CHD9: variants seen among roughly 807,000 people sequenced by gnomAD.
The protein encoded by CHD9 is ATP-dependent chromatin remodeler CHD9.
In CHD9, 77 loss-of-function variants were observed where a neutral mutation model predicts 316.1. The ratio of observed to expected loss-of-function variants is 0.24; its 90% CI spans 0.20 to 0.29. The LOEUF (loss-of-function observed/expected upper bound fraction) is 0.29, where lower values mean the gene tolerates loss of function less well. CHD9 is among the 10% of genes least tolerant of loss of function. The pLI is 1.00. For missense variants in CHD9, 2,763 were observed against 3,438.1 expected (o/e 0.80, Z 4.91); for synonymous variants, 1,129 against 1,158.3 (o/e 0.97, Z 0.51).
intron 1 of CHD9, among the ~76,000 whole-genome samples, chr16:53,140,584 A>G (rs914690304): frequency 6.6e-6 from 1 of 152,178 alleles, no homozygotes; most frequent in Non-Finnish European, 1.5e-5. Flanking sequence ...TATCATGATT[A>G]GAGATGAGAT....
At chr16:53,141,156 G>C (rs568998423) in intron 1 of CHD9, among the ~76,000 whole-genome samples, 1 of 152,138 alleles carries the variant, frequency 6.6e-6, no homozygotes, top group Non-Finnish European at 1.5e-5. Flanking sequence ...TTTACACAGT[G>C]CTTTATGTGT....
chr16:53,194,482 G>A (rs1350453017), intron 2 of CHD9, among the ~76,000 whole-genome samples: 1 of 152,184 alleles, frequency 6.6e-6, no homozygotes, highest in Non-Finnish European at 1.5e-5. Flanking sequence ...GCTGAGACAG[G>A]AGGATCACTT....
intron 1 of CHD9, among the ~76,000 whole-genome samples, chr16:53,110,136 C>T (rs929585558): frequency 2.0e-5 from 3 of 152,172 alleles, no homozygotes; most frequent in African/African-American, 7.2e-5. Flanking sequence ...AGCTTGTGCC[C>T]ATTACTGTCT....
chr16:53,073,365 G>A (rs2034267753), intron 1 of CHD9, among the ~76,000 whole-genome samples: 1 of 152,202 alleles, frequency 6.6e-6, no homozygotes, highest in African/African-American at 2.4e-5. Flanking sequence ...ATGTACCACA[G>A]TCTTATCCAT....
intron 2 of CHD9, among the ~76,000 whole-genome samples, chr16:53,176,986 C>T (rs983280782): frequency 6.6e-6 from 1 of 152,114 alleles, no homozygotes; most frequent in African/African-American, 2.4e-5. Flanking sequence ...GACAGAGTCT[C>T]ACTTTGTCGC....
Position 53,307,896 on chromosome 16 carries a change from G to C in CHD9, c.6996G>C (p.Gln2332His). 2 of 1,613,644 alleles carry C rather than the reference G, an allele frequency of 1.2e-6. No homozygotes were observed. The highest frequency in any genetic ancestry group is 8.5e-7 in the Non-Finnish European group (1 of 1,179,774). ...GVKEEHDQST[Q>H]MSKVKKHVRE... ...AAGAAGAACATGATCAGTCAACACAGATGTCAAAGGTGAAGAAGCATGTAC... is the reference window on the plus strand; with the variant it reads ...AAGAAGAACATGATCAGTCAACACACATGTCAAAGGTGAAGAAGCATGTAC... The change falls in exon 33 of 39, where the codon CAG (glutamine) becomes CAC (histidine). Residue 2332 changes from glutamine (Q) to histidine (H), a missense_variant. Transcript: ENST00000447540.
intron 1 of CHD9, among the ~76,000 whole-genome samples, chr16:53,153,757 G>A (rs901529074): frequency 2.0e-5 from 3 of 151,802 alleles, no homozygotes; most frequent in Non-Finnish European, 4.4e-5. Context: ...GGCTGGTCTC[G>A]AACTCCTGGG....
At chr16:53,226,900 G>A (rs1212278020) in intron 5 of CHD9, among the ~76,000 whole-genome samples, 1 of 152,052 alleles carries the variant, frequency 6.6e-6, no homozygotes, top group East Asian at 1.9e-4. Context: ...TGGATTTTCT[G>A]GCGTCATCTT....
intron 22 of CHD9, among the ~76,000 whole-genome samples, chr16:53,271,273 G>A (rs2052231853): frequency 6.6e-6 from 1 of 152,006 alleles, no homozygotes. Context: ...GAAAGAGAGA[G>A]ACAAAAAACC....
intron 2 of CHD9, among the ~76,000 whole-genome samples, chr16:53,181,041 G>C (rs140569309): frequency 2.8e-5 from 4 of 145,114 alleles, no homozygotes; most frequent in East Asian, 2.0e-4. Context: ...ACAGAGTTTC[G>C]CTGTTGTTGC....
intron 1 of CHD9, among the ~76,000 whole-genome samples, chr16:53,137,418 C>T (rs1160584313): frequency 1.3e-5 from 2 of 152,064 alleles, no homozygotes; most frequent in African/African-American, 4.8e-5. Context: ...CATGTGCCCA[C>T]GTTTCTGTCA....
At chr16:53,289,896 GT>G (rs1445759367) in intron 27 of CHD9, among the ~76,000 whole-genome samples, 2 of 152,180 alleles carry the variant, frequency 1.3e-5, no homozygotes, top group Non-Finnish European at 2.9e-5. Flanking sequence ...TCCTGGGAAA[GT>G]GTCTCACTGG....
intron 16 of CHD9, 33 bp downstream of exon 16, chr16:53,247,536 T>TA: frequency 7.1e-7 from 1 of 1,398,954 alleles, no homozygotes. Flanking sequence ...TGAATTATGC[T>TA]AAGTATATGC....
intron 2 of CHD9, among the ~76,000 whole-genome samples, chr16:53,158,335 A>G (rs1267426220): frequency 6.6e-6 from 1 of 152,218 alleles, no homozygotes; most frequent in African/African-American, 2.4e-5. Context: ...GACCATAGGC[A>G]CTAAAAAGAT....
At chr16:53,306,198 G>A in intron 31 of CHD9, 39 bp from the exon 32 acceptor site, 2 of 1,236,698 alleles carry the variant, frequency 1.6e-6, no homozygotes, top group Non-Finnish European at 2.1e-6. Flanking sequence ...ACTATTTTAT[G>A]TAGTCTTTTT....
intron 3 of CHD9, among the ~76,000 whole-genome samples, chr16:53,221,539 C>T (rs894937535): frequency 6.6e-6 from 1 of 152,120 alleles, no homozygotes; most frequent in Non-Finnish European, 1.5e-5. Flanking sequence ...GCCCCTGCAT[C>T]TGTTGAAGCA....
chr16:53,124,492 T>TTC (rs2038885401), intron 1 of CHD9, among the ~76,000 whole-genome samples: 2 of 144,068 alleles, frequency 1.4e-5, no homozygotes, highest in Non-Finnish European at 3.0e-5. Context: ...TTTTTTTTTT[T>TTC]TTGGAGAAGG....
At chr16:53,077,879 C>G (rs546637990) in intron 1 of CHD9, among the ~76,000 whole-genome samples, 32 of 152,092 alleles carry the variant, frequency 2.1e-4, no homozygotes, top group Non-Finnish European at 4.6e-4. Flanking sequence ...TCAAGATCAG[C>G]CTAGCCAACA....
chr16:53,254,691 C>T (rs982461332), intron 18 of CHD9, 86 bp downstream of exon 18: 5 of 1,263,156 alleles, frequency 4.0e-6, no homozygotes, highest in African/African-American at 1.5e-5. Context: ...TAGTTTTGGT[C>T]CATGCAGAAT....
Sources: allele counts gnomAD v4.1 joint callset (sites outside exome capture counted in the v4.1 genomes callset), GRCh38; gene constraint gnomAD v4.1.1; transcripts MANE v1.5; gene names NCBI Gene and HGNC (gene_info 2026-07-23, HGNC 2026-07-21).